OR8S1: variants seen among roughly 807,000 people sequenced by gnomAD.
OR8S1 encodes olfactory receptor family 8 subfamily S member 1, also known as olfactory receptor 8S1.
For missense variants in OR8S1, 362 were observed against 372.1 expected, an observed-to-expected ratio of 0.97 and a Z score of 0.22; for synonymous variants, 150 against 151.4, an observed-to-expected ratio of 0.99 and a Z score of 0.07.
rs761990463 is a variant in OR8S1 at position 48,526,565 on chromosome 12, CG to C, written c.935del (p.Arg312LeufsTer?). The C allele has an allele frequency of 6.6e-7, 1 of 1,513,102 alleles. No individual in the cohort carries two copies. The highest frequency in any genetic ancestry group is 9.0e-7 in the Non-Finnish European group (1 of 1,116,562). The allele number at this position is 1,513,102 out of a possible 1,614,324, so 93.7% of individuals were successfully genotyped here. The stretch of plus-strand genomic sequence containing the variant: ...GGAAAAATATTTGCAATATACCAGA[CG>C]TTGAGTTAAAAAACAAACATTGTTG... On this transcript the variant is annotated frameshift_variant, in exon 1 of 1. Coordinates refer to ENST00000641651, the Ensembl canonical transcript of OR8S1. LOFTEE classifies it high-confidence loss of function.
exon 1 of OR8S1, chr12:48,526,328 G>T (rs2137116165): frequency 6.2e-7 from 1 of 1,613,946 alleles, no homozygotes; most frequent in Non-Finnish European, 8.5e-7. Flanking sequence ...CTCTACCTCG[G>T]GCAGAAGCAA....
exon 1 of OR8S1, chr12:48,525,989 T>C (rs1938215120): frequency 1.2e-6 from 2 of 1,614,194 alleles, no homozygotes; most frequent in Non-Finnish European, 1.7e-6. Flanking sequence ...AGGGATGGCC[T>C]ATGACCGCCA....
At chr12:48,525,841 T>C in exon 1 of OR8S1, 1 of 1,614,166 alleles carries the variant, frequency 6.2e-7, no homozygotes, top group Non-Finnish European at 8.5e-7. Context: ...CTTTTGTTGA[T>C]CTCTGCTTCT....
chr12:48,525,717 T>G, exon 1 of OR8S1: 1 of 1,614,172 alleles, frequency 6.2e-7, no homozygotes, highest in Non-Finnish European at 8.5e-7. Flanking sequence ...CTGCTCTTTG[T>G]GCTGTTCCTG....
exon 1 of OR8S1, chr12:48,525,689 G>C: frequency 1.2e-6 from 2 of 1,614,078 alleles, no homozygotes; most frequent in African/African-American, 2.7e-5. Context: ...GCTGTCTGCC[G>C]ACCCCAACAT....
chr12:48,526,009 C>G, exon 1 of OR8S1: 1 of 1,614,162 alleles, frequency 6.2e-7, no homozygotes, highest in South Asian at 1.1e-5. Flanking sequence ...ATGCTGCCAT[C>G]TGCCGCCCAC....
exon 1 of OR8S1, chr12:48,526,437 A>G: frequency 1.2e-6 from 2 of 1,613,920 alleles, no homozygotes; most frequent in South Asian, 2.2e-5. Flanking sequence ...TCCCCCATAG[A>G]GTTGATCTTC....
chr12:48,526,395 G>T lies in OR8S1; in HGVS notation c.764G>T (p.Gly255Val), dbSNP rs776820245. The change falls in exon 1 of 1, where the codon GGT becomes GTT. Residue 255 changes from glycine (G) to valine (V), a missense_variant. Coordinates refer to ENST00000641651, the Ensembl canonical transcript of OR8S1. Reference sequence around the variant, plus strand: ...GCAGTGACACTTTACTATGGCTCAGGTTTGCTCCGCCATCTCATGCCAAAC... The same window carrying T: ...GCAGTGACACTTTACTATGGCTCAGTTTTGCTCCGCCATCTCATGCCAAAC... The T allele has an allele frequency of 6.2e-6, 10 of 1,613,974 alleles. No homozygotes were observed. The Admixed American group carries it at 8.3e-5, about 13-fold the overall frequency.
chr12:48,526,309 A>G, exon 1 of OR8S1: 1 of 1,613,930 alleles, frequency 6.2e-7, no homozygotes, highest in Non-Finnish European at 8.5e-7. Context: ...CTACCATCCT[A>G]AGCATCAGCT....
chr12:48,526,193 T>C, exon 1 of OR8S1: 1 of 1,614,074 alleles, frequency 6.2e-7, no homozygotes, highest in Non-Finnish European at 8.5e-7. Flanking sequence ...CCTCCCTCTG[T>C]CCTGCTCTGA....
At chr12:48,525,806 A>G (rs1234732619) in exon 1 of OR8S1, 1 of 1,614,016 alleles carries the variant, frequency 6.2e-7, no homozygotes, top group Non-Finnish European at 8.5e-7. Flanking sequence ...CCATAAGCCC[A>G]TGTATTTCTT....
exon 1 of OR8S1, chr12:48,525,999 A>C: frequency 6.2e-7 from 1 of 1,614,190 alleles, no homozygotes; most frequent in Non-Finnish European, 8.5e-7. Context: ...TATGACCGCC[A>C]TGCTGCCATC....
At chr12:48,525,783 C>T in exon 1 of OR8S1, 2 of 1,614,152 alleles carry the variant, frequency 1.2e-6, no homozygotes, top group Non-Finnish European at 1.7e-6. Context: ...ATGATCAGGG[C>T]TGATTCTTGT....
At chr12:48,525,693 C>G in exon 1 of OR8S1, 1 of 1,614,108 alleles carries the variant, frequency 6.2e-7, no homozygotes, top group Non-Finnish European at 8.5e-7. Context: ...TCTGCCGACC[C>G]CAACATCCGG....
chr12:48,525,858 T>A, exon 1 of OR8S1: 1 of 1,614,194 alleles, frequency 6.2e-7, no homozygotes, highest in Non-Finnish European at 8.5e-7. Context: ...TTCTCTTCAG[T>A]CATTGTGCCC....
chr12:48,526,058 C>T (rs760546597), exon 1 of OR8S1: 1 of 1,614,188 alleles, frequency 6.2e-7, no homozygotes, highest in Non-Finnish European at 8.5e-7. Context: ...GCTGTATATG[C>T]ACCTTGTGTG....
chr12:48,525,649 C>T, exon 1 of OR8S1: 1 of 1,612,672 alleles, frequency 6.2e-7, no homozygotes, highest in Non-Finnish European at 8.5e-7. Flanking sequence ...TGGGGAATCA[C>T]AGCACCATCA....
At chr12:48,526,456 G>A in exon 1 of OR8S1, 4 of 1,613,142 alleles carry the variant, frequency 2.5e-6, no homozygotes, top group Non-Finnish European at 3.4e-6. Context: ...TCTCTGTGCA[G>A]TATACTGTAG....
At position 48,526,372 on chromosome 12, in the gene OR8S1, A is replaced by G. The variant is rs550013060; in HGVS notation, c.741A>G (p.Ala247=). 1.9e-6 allele frequency: 3 copies of G among 1,614,152 alleles called. No individual in the cohort carries two copies. In the African/African-American group the frequency reaches 4.0e-5, roughly 22 times the overall value. Residue 247 remains alanine, a synonymous_variant, in exon 1 of 1, where the codon GCA becomes GCG. Transcript: ENST00000641651. Reference sequence around the variant, plus strand: ...CCACCTGCTCTGCCCACCTCACTGCAGTGACACTTTACTATGGCTCAGGTT... The same window carrying G: ...CCACCTGCTCTGCCCACCTCACTGCGGTGACACTTTACTATGGCTCAGGTT...
Sources: allele counts gnomAD v4.1 joint callset, GRCh38; gene constraint gnomAD v4.1.1; transcripts MANE v1.5; gene names NCBI Gene and HGNC (gene_info 2026-07-23, HGNC 2026-07-21).